Variants in STXBP5L observed in about 807,000 individuals in gnomAD.
The protein encoded by STXBP5L is syntaxin binding protein 5L, also known as syntaxin-binding protein 5-like.
Under a neutral mutation model 144.5 loss-of-function variants are expected in STXBP5L, and 65 were observed. The observed-to-expected ratio is 0.45, with a 90% confidence interval of 0.37 to 0.55. STXBP5L has a LOEUF of 0.55. Ranked by LOEUF, STXBP5L falls within the 20% of genes least tolerant of loss-of-function variation. STXBP5L has a pLI of 0.00. For missense variants in STXBP5L, 1,298 were observed against 1,405.5 expected, an observed-to-expected ratio of 0.92 and a Z score of 1.22; for synonymous variants, 505 against 469.6, an observed-to-expected ratio of 1.08 and a Z score of -0.97.
At chr3:121,127,333 G>C (rs2107877776) in intron 7 of STXBP5L, among the ~76,000 whole-genome samples, 1 of 152,136 alleles carries the variant, frequency 6.6e-6, no homozygotes, top group Non-Finnish European at 1.5e-5. Context: ...CCACAAAGTG[G>C]ATGACTTAAA....
chr3:121,379,902 A>G (rs1357875043), intron 21 of STXBP5L, among the ~76,000 whole-genome samples: 2 of 152,168 alleles, frequency 1.3e-5, no homozygotes, highest in African/African-American at 2.4e-5. Context: ...TGGCATAATC[A>G]TAGTGCACTG....
intron 23 of STXBP5L, among the ~76,000 whole-genome samples, chr3:121,410,547 C>T (rs1166816059): frequency 4.6e-5 from 7 of 151,968 alleles, no homozygotes; most frequent in Non-Finnish European, 2.9e-5. Flanking sequence ...TTTCCAGACC[C>T]TATCAGAAGG....
intron 20 of STXBP5L, among the ~76,000 whole-genome samples, chr3:121,356,292 C>G (rs1210325091): frequency 6.6e-6 from 1 of 152,226 alleles, no homozygotes; most frequent in Non-Finnish European, 1.5e-5. Flanking sequence ...TAAGCCCTGC[C>G]CACAGAGGAG....
chr3:121,043,273 T>A (rs931476319), intron 4 of STXBP5L, among the ~76,000 whole-genome samples: 34 of 152,168 alleles, frequency 2.2e-4, no homozygotes, highest in African/African-American at 8.0e-4. Context: ...GTGCTTTTGG[T>A]AGGTTCACTT....
At chr3:120,912,735 AACTTGAATT>A (rs1438834115) in intron 2 of STXBP5L, among the ~76,000 whole-genome samples, 1 of 151,928 alleles carries the variant, frequency 6.6e-6, no homozygotes, top group Non-Finnish European at 1.5e-5. Flanking sequence ...GCCTTTCCTG[AACTTGAATT>A]CTGTGAAATA....
chr3:121,151,308 C>G (rs923210132), intron 7 of STXBP5L, among the ~76,000 whole-genome samples: 2 of 152,072 alleles, frequency 1.3e-5, no homozygotes, highest in Non-Finnish European at 2.9e-5. Flanking sequence ...ATGTAAAAAG[C>G]TCAATTTTTT....
intron 5 of STXBP5L, among the ~76,000 whole-genome samples, chr3:121,049,289 C>G (rs889865908): frequency 6.6e-6 from 1 of 151,986 alleles, no homozygotes; most frequent in Non-Finnish European, 1.5e-5. Flanking sequence ...TGGTGGCCTG[C>G]CTTTCCCACT....
chr3:121,058,549 A>G (rs998769874), intron 5 of STXBP5L, among the ~76,000 whole-genome samples: 1 of 152,224 alleles, frequency 6.6e-6, no homozygotes, highest in Non-Finnish European at 1.5e-5. Context: ...AAGAATCGCC[A>G]CAGTCTCTTC....
At chr3:121,218,085 A>C (rs1344994714) in intron 10 of STXBP5L, among the ~76,000 whole-genome samples, 1 of 141,684 alleles carries the variant, frequency 7.1e-6, no homozygotes, top group African/African-American at 2.6e-5. Context: ...TATATAATAT[A>C]ATATATAGTA....
chr3:121,126,658 G>A (rs543525285), intron 7 of STXBP5L, among the ~76,000 whole-genome samples: 1 of 152,164 alleles, frequency 6.6e-6, no homozygotes, highest in South Asian at 2.1e-4. Context: ...TTCCTTTGAG[G>A]GCACTTGTGT....
chr3:121,048,834 G>T (rs1309020984), intron 5 of STXBP5L, among the ~76,000 whole-genome samples: 4 of 152,018 alleles, frequency 2.6e-5, no homozygotes, highest in Admixed American at 2.6e-4. Flanking sequence ...TACAGGTGCT[G>T]GGAGCCCAGG....
At chr3:121,235,483 A>G (rs1268253823) in intron 12 of STXBP5L, among the ~76,000 whole-genome samples, 1 of 152,096 alleles carries the variant, frequency 6.6e-6, no homozygotes, top group African/African-American at 2.4e-5. Context: ...CCAATGTACT[A>G]AAACAATTTT....
At chr3:121,002,599 A>G (rs1426741289) in intron 3 of STXBP5L, among the ~76,000 whole-genome samples, 4 of 152,140 alleles carry the variant, frequency 2.6e-5, no homozygotes, top group Non-Finnish European at 5.9e-5. Flanking sequence ...CATATTCAAA[A>G]CAATCATTAC....
At chr3:121,325,383 G>C (rs1023614576) in intron 20 of STXBP5L, among the ~76,000 whole-genome samples, 7 of 151,940 alleles carry the variant, frequency 4.6e-5, no homozygotes, top group Non-Finnish European at 7.4e-5. Flanking sequence ...GAAAACTAAA[G>C]TTCAGACTAT....
intron 3 of STXBP5L, among the ~76,000 whole-genome samples, chr3:121,013,696 G>A (rs1400064339): frequency 6.6e-6 from 1 of 151,800 alleles, no homozygotes; most frequent in East Asian, 1.9e-4. Context: ...TCAATTTTTG[G>A]TTTTGTTGCA....
chr3:121,054,827 T>C (rs1258092810), intron 5 of STXBP5L, among the ~76,000 whole-genome samples: 4 of 152,174 alleles, frequency 2.6e-5, no homozygotes, highest in Admixed American at 1.3e-4. Context: ...ATATTGATTT[T>C]ATCTTTCTCT....
chr3:121,174,536 G>T (rs745812458), intron 9 of STXBP5L, among the ~76,000 whole-genome samples: 6 of 152,090 alleles, frequency 3.9e-5, no homozygotes, highest in Non-Finnish European at 5.9e-5. Context: ...GGAGAGAAAG[G>T]TGCCAATTTG....
chr3:121,003,838 G>A (rs1024444583), intron 3 of STXBP5L, among the ~76,000 whole-genome samples: 5 of 152,082 alleles, frequency 3.3e-5, no homozygotes, highest in Admixed American at 1.3e-4. Flanking sequence ...GTTTTTGTCA[G>A]GTTTGTCAAA....
At chr3:120,994,882 G>A (rs1372111190) in intron 3 of STXBP5L, among the ~76,000 whole-genome samples, 1 of 151,770 alleles carries the variant, frequency 6.6e-6, no homozygotes, top group South Asian at 2.1e-4. Context: ...GGTAGAACTT[G>A]GCAGTGAAGC....
Sources: gnomAD v4.1 joint callset for allele counts (sites outside exome capture counted in the v4.1 genomes callset) on GRCh38, gnomAD v4.1.1 for gene constraint, MANE v1.5 for transcripts, NCBI Gene and HGNC (gene_info 2026-07-23, HGNC 2026-07-21) for gene names.